The following FGF12 variants were observed in gnomAD, a reference collection of about 807,000 sequenced individuals.
FGF12 encodes the protein fibroblast growth factor 12B.
A neutral mutation model predicts 23.6 loss-of-function variants in FGF12; 14 were observed. That is an observed-to-expected ratio of 0.59 (90% CI 0.39 to 0.93). The LOEUF (loss-of-function observed/expected upper bound fraction) is 0.93. Among genes scored for constraint, FGF12 ranks in the 40% least tolerant of loss-of-function variants. The probability of loss-of-function intolerance (pLI) is 0.00; values close to 1 mark genes in which losing one functional copy is unlikely to be tolerated. For synonymous variants in FGF12, 62 were observed against 77.3 expected (o/e 0.80, Z 1.04); for missense variants, 175 against 217.8 (o/e 0.80, Z 1.24).
At chr3:192,231,089 T>G (rs2108584306) in intron 4 of FGF12, among the ~76,000 whole-genome samples, 1 of 152,328 alleles carries the variant, frequency 6.6e-6, no homozygotes, top group East Asian at 1.9e-4. Context: ...AAAAATGTCC[T>G]TGATTAATTT....
At position 192,409,702 on chromosome 3, in the gene FGF12, C is replaced by T. The variant is rs1721125286; in HGVS notation, c.14-49164G>A. On this transcript the variant is annotated intron_variant, in intron 2 of 5. Coordinates refer to ENST00000445105, the MANE Select transcript of FGF12 (RefSeq NM_004113.6). The surrounding 1 kb of genome is among the most constrained non-coding windows in gnomAD (Gnocchi z 4.8). Reference sequence around the variant, plus strand: ...TGAGGCTCCTGGCCGGAGCTGCCCACCATGGTCTGGCGCCAGGGGCGCAGG... The same window carrying T: ...TGAGGCTCCTGGCCGGAGCTGCCCATCATGGTCTGGCGCCAGGGGCGCAGG... Among the ~76,000 whole-genome samples the T allele has an allele frequency of 6.6e-6, 1 of 152,158 alleles. No homozygotes were observed. The highest frequency in any genetic ancestry group is 1.5e-5 in the Non-Finnish European group (1 of 67,994).
chr3:192,189,379 T>A (rs1716658321), intron 4 of FGF12, among the ~76,000 whole-genome samples: 1 of 152,150 alleles, frequency 6.6e-6, no homozygotes, highest in Non-Finnish European at 1.5e-5. Flanking sequence ...AGCTGGCGAC[T>A]GAATGCATTT....
chr3:192,451,596 T>C (rs1270654689), intron 2 of FGF12, among the ~76,000 whole-genome samples: 1 of 152,212 alleles, frequency 6.6e-6, no homozygotes, highest in Admixed American at 6.5e-5. Flanking sequence ...GTTGAGGGTT[T>C]AGGAGATCAC....
At chr3:192,688,115 C>A (rs1717821364) in intron 2 of FGF12, among the ~76,000 whole-genome samples, 3 of 152,142 alleles carry the variant, frequency 2.0e-5, no homozygotes. Flanking sequence ...CTTTCTGCCC[C>A]AGCCCCTTGC....
intron 2 of FGF12, among the ~76,000 whole-genome samples, chr3:192,554,730 G>A (rs1577051252): frequency 2.6e-5 from 4 of 151,618 alleles, no homozygotes; most frequent in Admixed American, 2.6e-4. Flanking sequence ...AGAAACAAAG[G>A]TATGGAGATT....
At chr3:192,175,613 T>C (rs1715817088) in intron 4 of FGF12, among the ~76,000 whole-genome samples, 1 of 152,258 alleles carries the variant, frequency 6.6e-6, no homozygotes, top group Non-Finnish European at 1.5e-5. Flanking sequence ...ACTGAGTTTT[T>C]GTTCTATCAT....
intron 2 of FGF12, among the ~76,000 whole-genome samples, chr3:192,597,196 G>A (rs1172532272): frequency 6.6e-6 from 1 of 152,182 alleles, no homozygotes; most frequent in African/African-American, 2.4e-5. Context: ...GCAAAAGGAT[G>A]TGCTAGGACT....
At chr3:192,405,764 T>C (rs1431615883) in intron 2 of FGF12, among the ~76,000 whole-genome samples, 1 of 152,236 alleles carries the variant, frequency 6.6e-6, no homozygotes, top group East Asian at 1.9e-4. Flanking sequence ...ATAGACTTAT[T>C]CCATGCTATG....
intron 2 of FGF12, among the ~76,000 whole-genome samples, chr3:192,656,462 T>C (rs930826535): frequency 5.3e-5 from 8 of 152,176 alleles, no homozygotes; most frequent in African/African-American, 1.9e-4. Flanking sequence ...GTTTCTCTAG[T>C]GCAGTGGTTC....
chr3:192,649,166 G>A (rs1716117816), intron 2 of FGF12, among the ~76,000 whole-genome samples: 1 of 152,134 alleles, frequency 6.6e-6, no homozygotes, highest in Non-Finnish European at 1.5e-5. Context: ...TTAACTGATA[G>A]TGTCCCAGAC....
intron 2 of FGF12, among the ~76,000 whole-genome samples, chr3:192,426,149 T>A (rs11715979): frequency 0.35 from 53,741 of 151,900 alleles, 9,668 homozygotes; most frequent in Admixed American, 0.44. Flanking sequence ...AGACCTGGAT[T>A]TGGTGTTGTT....
At chr3:192,337,796 CTGTT>C (rs1717491866) in intron 3 of FGF12, among the ~76,000 whole-genome samples, 1 of 152,138 alleles carries the variant, frequency 6.6e-6, no homozygotes, top group African/African-American at 2.4e-5. Context: ...CCTAATTCTT[CTGTT>C]TGTCAGATAA....
intron 2 of FGF12, among the ~76,000 whole-genome samples, chr3:192,555,689 T>C (rs1347558831): frequency 1.6e-5 from 2 of 121,338 alleles, no homozygotes; most frequent in South Asian, 5.2e-4. Flanking sequence ...TCCCAGCTAA[T>C]CGGGAGGCTG....
chr3:192,261,567 G>C (rs1381964268), intron 4 of FGF12, among the ~76,000 whole-genome samples: 1 of 152,202 alleles, frequency 6.6e-6, no homozygotes, highest in Non-Finnish European at 1.5e-5. Flanking sequence ...TGTCTGTAGA[G>C]CTGTGGAGAT....
At chr3:192,290,687 T>G (rs925637597) in intron 4 of FGF12, among the ~76,000 whole-genome samples, 1 of 152,194 alleles carries the variant, frequency 6.6e-6, no homozygotes, top group Non-Finnish European at 1.5e-5. Flanking sequence ...CACATCATGA[T>G]ACTTATTTCT....
intron 3 of FGF12, among the ~76,000 whole-genome samples, chr3:192,353,701 T>G: frequency 6.6e-6 from 1 of 152,074 alleles, no homozygotes; most frequent in East Asian, 1.9e-4. Flanking sequence ...AAAATATATA[T>G]AAGATCAAGA....
At chr3:192,335,757 T>G (rs565695865) in intron 3 of FGF12, among the ~76,000 whole-genome samples, 27 of 152,100 alleles carry the variant, frequency 1.8e-4, no homozygotes, top group Non-Finnish European at 3.4e-4. Flanking sequence ...ATCCTTAAAA[T>G]GATCCTCAAA....
intron 2 of FGF12, among the ~76,000 whole-genome samples, chr3:192,598,934 A>G (rs1713978410): frequency 6.6e-6 from 1 of 152,140 alleles, no homozygotes; most frequent in South Asian, 2.1e-4. Context: ...ATGCAGCCAT[A>G]AAAAAGGATG....
chr3:192,686,497 T>C (rs1717738725), intron 2 of FGF12, among the ~76,000 whole-genome samples: 1 of 152,140 alleles, frequency 6.6e-6, no homozygotes, highest in South Asian at 2.1e-4. Flanking sequence ...GCCCCGGTTG[T>C]TCTGAATGTA....
Sources: allele counts gnomAD v4.1 joint callset (sites outside exome capture counted in the v4.1 genomes callset), GRCh38; gene constraint gnomAD v4.1.1; non-coding constraint Gnocchi (gnomAD v3.1); transcripts MANE v1.5; gene names NCBI Gene and HGNC (gene_info 2026-07-23, HGNC 2026-07-21).